Variants in ALK observed in about 807,000 individuals in gnomAD.
The protein encoded by ALK is ALK tyrosine kinase receptor.
In ALK, 74 loss-of-function variants were observed where a neutral mutation model predicts 163.1. The observed-to-expected ratio is 0.45, with a 90% CI of 0.38 to 0.55. The LOEUF is 0.55. ALK is among the 20% of genes least tolerant of loss of function. The pLI is 0.00. For synonymous variants in ALK, 960 were observed against 843.2 expected, an observed-to-expected ratio of 1.14 and a Z score of -2.40; for missense variants, 2,063 against 2,105.3, an observed-to-expected ratio of 0.98 and a Z score of 0.39.
At chr2:29,305,656 C>T (rs1439180131) in intron 8 of ALK, among the ~76,000 whole-genome samples, 2 of 152,136 alleles carry the variant, frequency 1.3e-5, no homozygotes, top group South Asian at 2.1e-4. Flanking sequence ...GGTCCAAAAA[C>T]ACCCTTAGAA....
At chr2:29,347,195 C>T (rs1372959911) in intron 5 of ALK, among the ~76,000 whole-genome samples, 3 of 152,130 alleles carry the variant, frequency 2.0e-5, no homozygotes, top group Non-Finnish European at 4.4e-5. Flanking sequence ...GGAACTAGAA[C>T]CGTGGTCTCC....
At chr2:29,333,832 G>A (rs1307942514) in intron 5 of ALK, among the ~76,000 whole-genome samples, 2 of 152,066 alleles carry the variant, frequency 1.3e-5, no homozygotes, top group African/African-American at 2.4e-5. Flanking sequence ...GGCTGGTCTC[G>A]AATTCCTGAT....
At position 29,831,278 on chromosome 2, in the gene ALK, G is replaced by GAAT. The variant is rs1260545344; in HGVS notation, c.667+88714_667+88715insATT. ...GGAAGAGGAAGAAGAAGAAGAAGAA[G>GAAT]AAGAAGAAGAAGAAGAAGAAGAAGA... On this transcript the variant is annotated intron_variant, in intron 1 of 28. Coordinates refer to ENST00000389048, the MANE Select transcript of ALK (RefSeq NM_004304.5). Among the ~76,000 whole-genome samples, 32 of 114,442 alleles carry GAAT rather than the reference G, an allele frequency of 2.8e-4. 4 individuals carry two copies. The highest frequency in any genetic ancestry group is 8.4e-4 in the African/African-American group (29 of 34,338). The allele number at this position is 114,442 out of a possible 152,430, so 75.1% of individuals were successfully genotyped here.
chr2:29,678,681 A>C (rs1677967232), intron 3 of ALK, among the ~76,000 whole-genome samples: 1 of 151,168 alleles, frequency 6.6e-6, no homozygotes, highest in South Asian at 2.1e-4. Flanking sequence ...TACTTGCATA[A>C]TTTTAATTTT....
intron 22 of ALK, chr2:29,221,061 G>C (rs748706902): frequency 1.2e-5 from 8 of 656,052 alleles, no homozygotes; most frequent in Admixed American, 4.2e-5. Flanking sequence ...ATTTGCAGGA[G>C]AGTGGCTGGA....
At chr2:29,280,490 T>A (rs1384806106) in intron 9 of ALK, among the ~76,000 whole-genome samples, 1 of 149,178 alleles carries the variant, frequency 6.7e-6, no homozygotes, top group Non-Finnish European at 1.5e-5. Context: ...AGGTGGTCCA[T>A]TCTGGGACTG....
chr2:29,378,435 G>C (rs970611043), intron 5 of ALK, among the ~76,000 whole-genome samples: 1 of 152,166 alleles, frequency 6.6e-6, no homozygotes, highest in Non-Finnish European at 1.5e-5. Context: ...TAAGAACATG[G>C]ATTTTGGAGC....
At chr2:29,476,820 G>C (rs1671536351) in intron 4 of ALK, among the ~76,000 whole-genome samples, 1 of 152,182 alleles carries the variant, frequency 6.6e-6, no homozygotes, top group Non-Finnish European at 1.5e-5. Context: ...AGCATTTCTT[G>C]CTGTGATGTC....
intron 3 of ALK, among the ~76,000 whole-genome samples, chr2:29,580,883 C>G (rs1422308404): frequency 6.6e-6 from 1 of 152,194 alleles, no homozygotes; most frequent in Non-Finnish European, 1.5e-5. Context: ...CTCCTATGCC[C>G]TTCCTGTTGT....
chr2:29,712,635 A>G lies in ALK; in HGVS notation c.787+4943T>C, dbSNP rs372814909. Among the ~76,000 whole-genome samples, 10 of 151,164 alleles carry G rather than the reference A, an allele frequency of 6.6e-5. 1 individual carries two copies. The highest frequency in any genetic ancestry group is 2.4e-4 in the African/African-American group (10 of 41,204). On this transcript the variant is annotated intron_variant, in intron 2 of 28. Transcript: ENST00000389048. ...TAGGCTGATTTTTTTTTTTTGAGAG[A>G]GAGATATTTAATTTACCTAGTCTTT...
chr2:29,364,837 T>A (rs941285847), intron 5 of ALK, among the ~76,000 whole-genome samples: 2 of 152,194 alleles, frequency 1.3e-5, no homozygotes, highest in Non-Finnish European at 2.9e-5. Context: ...TGTACCATCA[T>A]GTGAGTTAGC....
chr2:29,914,218 T>G (rs1316428675), intron 1 of ALK, among the ~76,000 whole-genome samples: 1 of 152,266 alleles, frequency 6.6e-6, no homozygotes. Flanking sequence ...TGCATATTTC[T>G]GAGAAAGTCG....
chr2:29,826,667 G>C (rs559139761), intron 1 of ALK, among the ~76,000 whole-genome samples: 1 of 152,318 alleles, frequency 6.6e-6, no homozygotes, highest in South Asian at 2.1e-4. Context: ...CCAGGAGAAA[G>C]TCCAACATCA....
intron 3 of ALK, among the ~76,000 whole-genome samples, chr2:29,594,899 GGT>G (rs67914316): frequency 0.11 from 9,777 of 86,344 alleles, 1,009 homozygotes; most frequent in African/African-American, 0.24. Context: ...AAAAATGGGG[GGT>G]GGGGGGCGGG....
At chr2:29,499,476 A>T (rs1672112969) in intron 4 of ALK, among the ~76,000 whole-genome samples, 1 of 152,112 alleles carries the variant, frequency 6.6e-6, no homozygotes, top group African/African-American at 2.4e-5. Flanking sequence ...GATTACAGGT[A>T]TGAGCCACTG....
intron 5 of ALK, among the ~76,000 whole-genome samples, chr2:29,329,394 C>T (rs923082729): frequency 6.6e-6 from 1 of 152,230 alleles, no homozygotes; most frequent in Non-Finnish European, 1.5e-5. Context: ...CTGGCTGGTG[C>T]CTCCTGCTAC....
intron 4 of ALK, among the ~76,000 whole-genome samples, chr2:29,468,895 A>G (rs1172972575): frequency 6.6e-6 from 1 of 150,512 alleles, no homozygotes; most frequent in African/African-American, 2.4e-5. Context: ...TAGCACACCA[A>G]AGAACTACAG....
At chr2:29,237,191 C>T (rs978101642) in intron 13 of ALK, among the ~76,000 whole-genome samples, 2 of 152,236 alleles carry the variant, frequency 1.3e-5, no homozygotes, top group African/African-American at 2.4e-5. Context: ...TCCACTGTTA[C>T]AATCCTAGTC....
rs563939668 is a variant in ALK, at chr2:29,565,848, C to T, written c.953-33732G>A. ...CTCTCGCATAGGAGTTTGATATTGG[C>T]GAGATTAAATTAACACAGTTAAAAA... On this transcript the variant is annotated intron_variant, in intron 3 of 28. Coordinates refer to ENST00000389048, the MANE Select transcript of ALK (RefSeq NM_004304.5). Among the ~76,000 whole-genome samples, 33 of 151,858 alleles carry T rather than the reference C, an allele frequency of 2.2e-4. 1 individual carries two copies. The highest frequency in any genetic ancestry group is 7.3e-4 in the African/African-American group (30 of 41,356).
Sources: gnomAD v4.1 joint callset for allele counts (sites outside exome capture counted in the v4.1 genomes callset) on GRCh38, gnomAD v4.1.1 for gene constraint, MANE v1.5 for transcripts, NCBI Gene and HGNC (gene_info 2026-07-23, HGNC 2026-07-21) for gene names.